The following ADAMTSL1 variants were observed in gnomAD, a reference collection of about 807,000 sequenced individuals.
The protein encoded by ADAMTSL1 is ADAMTS-like protein 1.
Under a neutral mutation model 201.8 loss-of-function variants are expected in ADAMTSL1, and 126 were observed. The ratio of observed to expected loss-of-function variants is 0.62; its 90% CI spans 0.54 to 0.72. The LOEUF (loss-of-function observed/expected upper bound fraction) is 0.72. Among genes scored for constraint, ADAMTSL1 ranks in the 30% least tolerant of loss-of-function variants. The probability of loss-of-function intolerance (pLI) is 0.00; values close to 1 mark genes in which losing one functional copy is unlikely to be tolerated. For synonymous variants in ADAMTSL1, 1,121 were observed against 903.4 expected, an observed-to-expected ratio of 1.24 and a Z score of -4.32; for missense variants, 2,679 against 2,277.8, an observed-to-expected ratio of 1.18 and a Z score of -3.59.
intron 2 of ADAMTSL1, among the ~76,000 whole-genome samples, chr9:18,438,227 GAA>G (rs34276523): frequency 4.2e-5 from 6 of 144,002 alleles, no homozygotes; most frequent in Non-Finnish European, 7.6e-5. Flanking sequence ...GAGAGATGGA[GAA>G]AAAAAAAAAG....
At chr9:18,109,294 G>A (rs937328942) in intron 1 of ADAMTSL1, among the ~76,000 whole-genome samples, 3 of 152,048 alleles carry the variant, frequency 2.0e-5, no homozygotes, top group African/African-American at 7.2e-5. Context: ...TGGTAGATCT[G>A]CCAGGAATCC....
At chr9:18,081,576 G>C (rs976788930) in intron 1 of ADAMTSL1, among the ~76,000 whole-genome samples, 2 of 152,088 alleles carry the variant, frequency 1.3e-5, no homozygotes, top group Admixed American at 6.6e-5. Context: ...ACACATGTTT[G>C]CAGATTTCCA....
At chr9:18,213,835 G>A (rs1829968853) in intron 2 of ADAMTSL1, among the ~76,000 whole-genome samples, 1 of 152,108 alleles carries the variant, frequency 6.6e-6, no homozygotes, top group African/African-American at 2.4e-5. Flanking sequence ...CACTTCCCTG[G>A]TTCAAGCAAT....
At chr9:18,041,786 T>A (rs1177164873) in intron 1 of ADAMTSL1, among the ~76,000 whole-genome samples, 1 of 152,136 alleles carries the variant, frequency 6.6e-6, no homozygotes, top group Non-Finnish European at 1.5e-5. Flanking sequence ...TTAAAATAAC[T>A]GATATCCCAA....
chr9:17,938,821 T>C (rs769455327), intron 1 of ADAMTSL1, among the ~76,000 whole-genome samples: 4 of 152,142 alleles, frequency 2.6e-5, no homozygotes, highest in Non-Finnish European at 5.9e-5. Flanking sequence ...CTGAGCAGAT[T>C]CACGTTGTGT....
intron 13 of ADAMTSL1, among the ~76,000 whole-genome samples, chr9:18,696,172 CAGGGA>C (rs1831536787): frequency 1.3e-5 from 2 of 152,206 alleles, no homozygotes; most frequent in Non-Finnish European, 2.9e-5. Flanking sequence ...GAGATTTGGA[CAGGGA>C]CACAAATCCA....
At chr9:18,592,155 C>G (rs1038095380) in intron 4 of ADAMTSL1, among the ~76,000 whole-genome samples, 1 of 152,072 alleles carries the variant, frequency 6.6e-6, no homozygotes, top group Non-Finnish European at 1.5e-5. Context: ...AGATTGGCAG[C>G]AAAACACCAG....
chr9:18,312,591 C>G (rs748760071), intron 2 of ADAMTSL1, among the ~76,000 whole-genome samples: 26 of 152,136 alleles, frequency 1.7e-4, no homozygotes, highest in African/African-American at 6.0e-4. Flanking sequence ...CCAAGACGTT[C>G]CCACTGGGTA....
At chr9:18,259,150 A>G (rs188027326) in intron 2 of ADAMTSL1, among the ~76,000 whole-genome samples, 2 of 152,152 alleles carry the variant, frequency 1.3e-5, no homozygotes, top group Admixed American at 6.5e-5. Context: ...GCAATTTCTT[A>G]TGCTCATGTG....
intron 18 of ADAMTSL1, among the ~76,000 whole-genome samples, chr9:18,776,315 T>C (rs1361775037): frequency 6.6e-6 from 1 of 152,246 alleles, no homozygotes; most frequent in Non-Finnish European, 1.5e-5. Context: ...TCTGGTGCCT[T>C]GCAGGACCCA....
At chr9:18,593,978 C>T (rs768507395) in intron 4 of ADAMTSL1, among the ~76,000 whole-genome samples, 9 of 151,894 alleles carry the variant, frequency 5.9e-5, no homozygotes, top group Middle Eastern at 3.2e-3. Context: ...TTTCTTTTTA[C>T]CATTTCTTGT....
At chr9:18,780,617 C>T (rs2060364) in intron 19 of ADAMTSL1, among the ~76,000 whole-genome samples, 4,605 of 152,170 alleles carry the variant, frequency 0.03, 250 homozygotes, top group African/African-American at 0.1. Context: ...CCAATGCTCC[C>T]AGAGGCTATC....
chr9:18,481,019 CAG>C (rs1821701914), intron 1 of ADAMTSL1, among the ~76,000 whole-genome samples: 1 of 152,050 alleles, frequency 6.6e-6, no homozygotes, highest in Non-Finnish European at 1.5e-5. Context: ...GCGAATATAA[CAG>C]AAAAAGATGC....
At position 18,137,057 on chromosome 9, in the gene ADAMTSL1, TG is replaced by T. The variant is rs1355769857; in HGVS notation, c.88-26804del. The stretch of plus-strand genomic sequence containing the variant: ...CATTTGAGAGATTATCAGCAGAAAA[TG>T]ATGACAGATCAGATGAGGGTGGACA... On this transcript the variant is annotated intron_variant, in intron 1 of 29. Coordinates refer to the ADAMTSL1 transcript ENST00000680146. 3.3e-5 allele frequency among the ~76,000 whole-genome samples: 5 copies of T among 151,922 alleles called. No individual in the cohort carries two copies. The East Asian group carries it at 9.7e-4, about 30-fold the overall frequency.
intron 2 of ADAMTSL1, among the ~76,000 whole-genome samples, chr9:18,298,976 C>A (rs897746056): frequency 4.7e-5 from 7 of 149,544 alleles, no homozygotes; most frequent in Admixed American, 1.3e-4. Context: ...GGCGCCACTG[C>A]ACTCCAGCCT....
At chr9:18,378,616 A>G (rs1474538463) in intron 2 of ADAMTSL1, among the ~76,000 whole-genome samples, 1 of 152,116 alleles carries the variant, frequency 6.6e-6, no homozygotes, top group Non-Finnish European at 1.5e-5. Context: ...CCTCTTCAGA[A>G]CAAGCCTTTC....
chr9:18,755,078 G>A (rs1029782961), intron 16 of ADAMTSL1, among the ~76,000 whole-genome samples: 2 of 152,192 alleles, frequency 1.3e-5, no homozygotes, highest in African/African-American at 4.8e-5. Flanking sequence ...CAAACCTATT[G>A]TGTATGGCTA....
At chr9:18,552,057 TAGC>T (rs762783360) in intron 3 of ADAMTSL1, among the ~76,000 whole-genome samples, 1 of 151,902 alleles carries the variant, frequency 6.6e-6, no homozygotes, top group Non-Finnish European at 1.5e-5. Flanking sequence ...TCTTTTCAAG[TAGC>T]AGCCTTTGGC....
At chr9:18,580,850 T>C (rs1823047944) in intron 4 of ADAMTSL1, among the ~76,000 whole-genome samples, 3 of 152,292 alleles carry the variant, frequency 2.0e-5, no homozygotes, top group South Asian at 4.1e-4. Context: ...TAAGTAAATA[T>C]GAAAGTGTAC....
Sources: gnomAD v4.1 joint callset for allele counts (sites outside exome capture counted in the v4.1 genomes callset) on GRCh38, gnomAD v4.1.1 for gene constraint, MANE v1.5 for transcripts, NCBI Gene and HGNC (gene_info 2026-07-23, HGNC 2026-07-21) for gene names.